The following PTPRD variants were observed in gnomAD, a reference collection of about 807,000 sequenced individuals.
PTPRD encodes receptor-type tyrosine-protein phosphatase delta.
In PTPRD, 34 loss-of-function variants were observed where a neutral mutation model predicts 214.5. That is an observed-to-expected ratio of 0.16 (90% confidence interval 0.12 to 0.21). The LOEUF is 0.21. Ranked by LOEUF, PTPRD falls within the 10% of genes least tolerant of loss-of-function variation. PTPRD has a pLI of 1.00. For missense variants in PTPRD, 2,545 were observed against 2,398.7 expected, an observed-to-expected ratio of 1.06 and a Z score of -1.27; for synonymous variants, 1,128 against 845.7, an observed-to-expected ratio of 1.33 and a Z score of -5.79.
At chr9:9,991,753 A>G (rs1588352699) in intron 4 of PTPRD, among the ~76,000 whole-genome samples, 1 of 152,230 alleles carries the variant, frequency 6.6e-6, no homozygotes, top group Middle Eastern at 3.4e-3. Flanking sequence ...TCATATTCAC[A>G]AGATGAATAG....
chr9:9,749,312 T>G (rs1252339823), intron 6 of PTPRD, among the ~76,000 whole-genome samples: 2 of 152,162 alleles, frequency 1.3e-5, no homozygotes, highest in Admixed American at 1.3e-4. Flanking sequence ...CTTAACTCAG[T>G]GGTAGGGTAT....
At chr9:8,345,944 C>G (rs893395284) in intron 39 of PTPRD, among the ~76,000 whole-genome samples, 5 of 152,010 alleles carry the variant, frequency 3.3e-5, no homozygotes, top group African/African-American at 9.7e-5. Flanking sequence ...AAGTTCTGTC[C>G]TTCTTTCTCT....
intron 8 of PTPRD, among the ~76,000 whole-genome samples, chr9:9,553,957 T>C (rs2080926152): frequency 6.6e-6 from 1 of 152,028 alleles, no homozygotes; most frequent in Non-Finnish European, 1.5e-5. Context: ...TGAGCATTGC[T>C]TGCTACAGAT....
intron 9 of PTPRD, among the ~76,000 whole-genome samples, chr9:9,228,236 A>C (rs986354884): frequency 6.6e-6 from 1 of 152,170 alleles, no homozygotes; most frequent in African/African-American, 2.4e-5. Flanking sequence ...AGGAATATTC[A>C]TAAGAATTGA....
At chr9:9,947,492 TATATATATTTTATATATATA>T (rs2092848828) in intron 4 of PTPRD, among the ~76,000 whole-genome samples, 2 of 35,654 alleles carry the variant, frequency 5.6e-5, no homozygotes, top group Non-Finnish European at 9.0e-5. Flanking sequence ...TTATATATAT[TATATATATTTTATATATATA>T]ATATATATAT....
chr9:8,936,427 C>CAAAAAAAAAAAAAAAAAAAAAAAAAA (rs1181403459), intron 11 of PTPRD, among the ~76,000 whole-genome samples: 3 of 31,640 alleles, frequency 9.5e-5, no homozygotes, highest in African/African-American at 1.2e-4. Flanking sequence ...ACCCTGCCTC[C>CAAAAAAAAAAAAAAAAAAAAAAAAAA]AAAAAAAAAA....
intron 7 of PTPRD, among the ~76,000 whole-genome samples, chr9:9,695,868 T>C (rs753786982): frequency 3.2e-4 from 48 of 152,318 alleles, no homozygotes; most frequent in Non-Finnish European, 6.3e-4. Context: ...TTCTTTTATA[T>C]AGCATCCTTG....
chr9:9,178,013 T>A (rs946194913), intron 10 of PTPRD, among the ~76,000 whole-genome samples: 3 of 152,094 alleles, frequency 2.0e-5, no homozygotes, highest in East Asian at 3.8e-4. Flanking sequence ...GGAACCCATC[T>A]CATAATAGGA....
chr9:10,452,628 A>G, intron 2 of PTPRD, among the ~76,000 whole-genome samples: 2 of 151,960 alleles, frequency 1.3e-5, no homozygotes, highest in South Asian at 4.1e-4. Context: ...TGTCTTCTGA[A>G]AAAATGTCTA....
At chr9:9,204,836 A>G (rs1433297247) in intron 9 of PTPRD, among the ~76,000 whole-genome samples, 1 of 152,168 alleles carries the variant, frequency 6.6e-6, no homozygotes, top group Non-Finnish European at 1.5e-5. Flanking sequence ...AACCATTTAT[A>G]AATGTCTCAA....
intron 14 of PTPRD, among the ~76,000 whole-genome samples, chr9:8,630,492 T>C (rs1023082224): frequency 1.3e-5 from 2 of 152,002 alleles, no homozygotes; most frequent in East Asian, 3.9e-4. Context: ...ATATTTATTT[T>C]ATCCTAAAAG....
At chr9:9,266,224 T>C (rs1460049368) in intron 9 of PTPRD, among the ~76,000 whole-genome samples, 2 of 151,396 alleles carry the variant, frequency 1.3e-5, no homozygotes, top group Non-Finnish European at 1.5e-5. Context: ...TGTAGCCATA[T>C]ACACACCCAG....
At chr9:10,113,182 G>A (rs2098705461) in intron 3 of PTPRD, among the ~76,000 whole-genome samples, 2 of 152,154 alleles carry the variant, frequency 1.3e-5, no homozygotes, top group African/African-American at 4.8e-5. Context: ...TATGGGGGAG[G>A]CTATATATTC....
chr9:9,925,740 C>T (rs2084056572), intron 5 of PTPRD, among the ~76,000 whole-genome samples: 1 of 150,394 alleles, frequency 6.6e-6, no homozygotes, highest in Admixed American at 6.6e-5. Context: ...TTCTATGCAC[C>T]TTTTTTCCTT....
At chr9:9,545,274 G>A (rs543994359) in intron 8 of PTPRD, among the ~76,000 whole-genome samples, 1 of 151,654 alleles carries the variant, frequency 6.6e-6, no homozygotes, top group African/African-American at 2.4e-5. Flanking sequence ...TAGTTCCACT[G>A]TGCTAAAAAT....
intron 10 of PTPRD, among the ~76,000 whole-genome samples, chr9:9,137,016 T>C (rs1227510906): frequency 6.6e-6 from 1 of 152,178 alleles, no homozygotes; most frequent in East Asian, 1.9e-4. Context: ...ATTTGGTCTT[T>C]AACTATAAAG....
chr9:10,032,637 A>G (rs1240723735), intron 4 of PTPRD, among the ~76,000 whole-genome samples: 1 of 152,194 alleles, frequency 6.6e-6, no homozygotes, highest in Non-Finnish European at 1.5e-5. Context: ...ACCTTGCAAC[A>G]TGCAGTATAT....
intron 9 of PTPRD, among the ~76,000 whole-genome samples, chr9:9,254,287 C>T (rs1026234220): frequency 2.6e-5 from 4 of 151,852 alleles, no homozygotes; most frequent in African/African-American, 9.7e-5. Flanking sequence ...CAAAGTAAGT[C>T]TATATATTTT....
chr9:10,204,237 C>A (rs933018397), intron 3 of PTPRD, among the ~76,000 whole-genome samples: 24 of 152,140 alleles, frequency 1.6e-4, no homozygotes, highest in African/African-American at 5.8e-4. Flanking sequence ...TCCTCCTCCA[C>A]GTGAAAATCT....
Sources: gnomAD v4.1 joint callset for allele counts (sites outside exome capture counted in the v4.1 genomes callset) on GRCh38, gnomAD v4.1.1 for gene constraint, MANE v1.5 for transcripts, NCBI Gene and HGNC (gene_info 2026-07-23, HGNC 2026-07-21) for gene names.